Variants in ANKS1B observed in about 807,000 individuals in gnomAD.
The protein encoded by ANKS1B is ankyrin repeat and sterile alpha motif domain containing 1B, also known as ankyrin repeat and sterile alpha motif domain-containing protein 1B.
In ANKS1B, 36 loss-of-function variants were observed where a neutral mutation model predicts 148.3. The observed-to-expected ratio is 0.24, with a 90% CI of 0.19 to 0.32. ANKS1B has a LOEUF of 0.32. ANKS1B is among the 10% of genes least tolerant of loss of function. The pLI is 1.00. For synonymous variants in ANKS1B, 542 were observed against 560.8 expected (o/e 0.97, Z 0.47); for missense variants, 1,157 against 1,542.6 (o/e 0.75, Z 4.19).
intron 17 of ANKS1B, among the ~76,000 whole-genome samples, chr12:98,846,594 G>A (rs1259777721): frequency 6.6e-6 from 1 of 152,238 alleles, no homozygotes; most frequent in East Asian, 1.9e-4. Flanking sequence ...TGATTCTGGA[G>A]GTGGAGGATG....
At chr12:99,714,541 A>G (rs981521994) in intron 8 of ANKS1B, among the ~76,000 whole-genome samples, 105 of 151,982 alleles carry the variant, frequency 6.9e-4, no homozygotes, top group African/African-American at 2.5e-3. Context: ...CAAGTTTTTT[A>G]TTATTATTAT....
intron 9 of ANKS1B, among the ~76,000 whole-genome samples, chr12:99,555,191 G>C (rs78332660): frequency 6.6e-5 from 10 of 152,044 alleles, no homozygotes; most frequent in Admixed American, 6.6e-4. Context: ...GAATTACTGC[G>C]TGAAATGGTA....
chr12:99,463,215 A>C (rs75689041), intron 10 of ANKS1B, among the ~76,000 whole-genome samples: 109 of 152,378 alleles, frequency 7.2e-4, no homozygotes, highest in Non-Finnish European at 1.3e-3. Context: ...AAGCCTTTGT[A>C]TAGGAATGCA....
At chr12:99,628,609 C>T (rs1308516293) in intron 9 of ANKS1B, among the ~76,000 whole-genome samples, 1 of 152,102 alleles carries the variant, frequency 6.6e-6, no homozygotes, top group East Asian at 1.9e-4. Context: ...TTTTGTGTTG[C>T]TATTAGTATA....
chr12:98,751,261 T>C lies in ANKS1B; in HGVS notation c.3747+94A>G, dbSNP rs2098083157. ...GAAAGGATGAAGAAGAGGCCCTGGGTTCTAATGGCACCCACACCACACAAG... is the reference window on the plus strand; with the variant it reads ...GAAAGGATGAAGAAGAGGCCCTGGGCTCTAATGGCACCCACACCACACAAG... On this transcript the variant is annotated intron_variant, in intron 26 of 26. Transcript: ENST00000683438. The surrounding 1 kb of genome is among the most constrained non-coding windows in gnomAD (Gnocchi z 4.3). The C allele has an allele frequency of 1.5e-6, 2 of 1,318,452 alleles. No homozygotes were observed. The highest frequency in any genetic ancestry group is 2.1e-6 in the Non-Finnish European group (2 of 965,038). 81.7% of individuals were successfully genotyped at this position (1,318,452 alleles called of 1,614,324 possible).
At chr12:98,991,089 C>T (rs1206256562) in intron 17 of ANKS1B, among the ~76,000 whole-genome samples, 1 of 152,136 alleles carries the variant, frequency 6.6e-6, no homozygotes, top group Non-Finnish European at 1.5e-5. Flanking sequence ...ATACTGATGC[C>T]AAGGATGCTA....
chr12:99,148,560 A>G (rs1191950585), intron 15 of ANKS1B, among the ~76,000 whole-genome samples: 2 of 152,254 alleles, frequency 1.3e-5, no homozygotes, highest in Non-Finnish European at 1.5e-5. Flanking sequence ...GCCAGCGCCA[A>G]TATTGTACTT....
intron 2 of ANKS1B, among the ~76,000 whole-genome samples, chr12:99,812,546 C>T (rs1481796132): frequency 2.1e-5 from 2 of 95,834 alleles, no homozygotes; most frequent in Non-Finnish European, 4.2e-5. Context: ...CACACACACA[C>T]ACACACACAC....
At chr12:99,928,159 CAG>C (rs1387797919) in intron 1 of ANKS1B, among the ~76,000 whole-genome samples, 2 of 151,710 alleles carry the variant, frequency 1.3e-5, no homozygotes. Flanking sequence ...TCCTAAGAAA[CAG>C]GAAAAAAATG....
In ANKS1B at chr12:99,970,093, C is replaced by A. The variant is rs548486193; in HGVS notation, c.134+14011G>T. Among the ~76,000 whole-genome samples, 196 of 152,130 alleles carry A rather than the reference C, an allele frequency of 1.3e-3. 1 individual carries two copies. Among genetic ancestry groups the A allele is most frequent in the Non-Finnish European group, 2.2e-3 (152 of 67,986 alleles). On this transcript the variant is annotated intron_variant, in intron 1 of 26. Transcript: ENST00000683438. Reference sequence around the variant, plus strand: ...TATTAAGTAACAACAGTATATACACCAGATTAGTGGTTCTCAAATTTTAGT... The same window carrying A: ...TATTAAGTAACAACAGTATATACACAAGATTAGTGGTTCTCAAATTTTAGT...
intron 9 of ANKS1B, among the ~76,000 whole-genome samples, chr12:99,527,052 C>A (rs1332437699): frequency 6.6e-6 from 1 of 152,138 alleles, no homozygotes. Context: ...AGGAATGGAA[C>A]AAATTCTCTC....
chr12:99,813,956 T>C (rs1482403191), intron 2 of ANKS1B, among the ~76,000 whole-genome samples: 1 of 151,734 alleles, frequency 6.6e-6, no homozygotes, highest in Non-Finnish European at 1.5e-5. Context: ...TAATGGTTGT[T>C]CAAAAAGATT....
chr12:99,968,360 A>T (rs1251054597), intron 1 of ANKS1B, among the ~76,000 whole-genome samples: 5 of 152,050 alleles, frequency 3.3e-5, no homozygotes, highest in Admixed American at 3.3e-4. Context: ...AATCGAGACC[A>T]TTTGGCTAAC....
chr12:99,509,290 A>G (rs908018936), intron 9 of ANKS1B, among the ~76,000 whole-genome samples: 1 of 151,906 alleles, frequency 6.6e-6, no homozygotes, highest in Non-Finnish European at 1.5e-5. Context: ...CACTTTAAAT[A>G]AAAAGCTAAC....
intron 12 of ANKS1B, among the ~76,000 whole-genome samples, chr12:99,388,513 G>C (rs936487583): frequency 6.6e-6 from 1 of 152,196 alleles, no homozygotes; most frequent in African/African-American, 2.4e-5. Flanking sequence ...GAGAGGGACA[G>C]ACACTCTCTT....
At chr12:99,496,016 C>CAG (rs2096600992) in intron 10 of ANKS1B, among the ~76,000 whole-genome samples, 1 of 152,196 alleles carries the variant, frequency 6.6e-6, no homozygotes, top group Non-Finnish European at 1.5e-5. Flanking sequence ...GCAAATTGAA[C>CAG]AGAGGTAACT....
intron 9 of ANKS1B, among the ~76,000 whole-genome samples, chr12:99,636,725 T>A (rs1325021172): frequency 6.6e-6 from 1 of 152,178 alleles, no homozygotes; most frequent in Non-Finnish European, 1.5e-5. Context: ...ACTGGGAACA[T>A]GTGCAATTTT....
At chr12:99,485,895 G>A (rs151303163) in intron 10 of ANKS1B, among the ~76,000 whole-genome samples, 15 of 152,192 alleles carry the variant, frequency 9.9e-5, no homozygotes, top group African/African-American at 3.4e-4. Flanking sequence ...TTTTCTGGAT[G>A]ATATCTATCT....
chr12:99,520,656 C>G (rs2096866216), intron 9 of ANKS1B, among the ~76,000 whole-genome samples: 1 of 152,122 alleles, frequency 6.6e-6, no homozygotes, highest in Non-Finnish European at 1.5e-5. Flanking sequence ...TTTGAATAAA[C>G]TTTCTACCCC....
Sources: allele counts gnomAD v4.1 joint callset (sites outside exome capture counted in the v4.1 genomes callset), GRCh38; gene constraint gnomAD v4.1.1; non-coding constraint Gnocchi (gnomAD v3.1); transcripts MANE v1.5; gene names NCBI Gene and HGNC (gene_info 2026-07-23, HGNC 2026-07-21).